KCNMA1: variants seen among roughly 807,000 people sequenced by gnomAD.
The protein encoded by KCNMA1 is Calcium-activated potassium channel subunit alpha-1.
Under a neutral mutation model 140.0 loss-of-function variants are expected in KCNMA1, and 29 were observed. The ratio of observed to expected loss-of-function variants is 0.21; its 90% CI spans 0.15 to 0.28. The LOEUF is 0.28. KCNMA1 is among the 10% of genes least tolerant of loss of function. KCNMA1 has a pLI of 1.00. For missense variants in KCNMA1, 880 were observed against 1,602.2 expected, an observed-to-expected ratio of 0.55 and a Z score of 7.70; for synonymous variants, 612 against 611.9, an observed-to-expected ratio of 1.00 and a Z score of 0.00.
chr10:77,232,227 C>T (rs185962811), intron 3 of KCNMA1, among the ~76,000 whole-genome samples: 6 of 152,300 alleles, frequency 3.9e-5, no homozygotes, highest in Admixed American at 2.6e-4. Context: ...AATGTTCAAG[C>T]GCAAGTTTTG....
chr10:77,498,862 T>C (rs1201076043), intron 1 of KCNMA1: 1 of 152,080 alleles, frequency 6.6e-6, no homozygotes, highest in African/African-American at 2.4e-5. Context: ...AGTGCCATTA[T>C]CATCATGGCC....
At chr10:77,074,688 T>C (rs2096330321) in intron 13 of KCNMA1, among the ~76,000 whole-genome samples, 1 of 152,236 alleles carries the variant, frequency 6.6e-6, no homozygotes. Context: ...ATGTAATTTG[T>C]CTACCAAACG....
intron 1 of KCNMA1, among the ~76,000 whole-genome samples, chr10:77,584,671 TTTTTAAAGAAGAACATGCTCCCTGA>T (rs2076766831): frequency 6.6e-6 from 1 of 152,156 alleles, no homozygotes; most frequent in Non-Finnish European, 1.5e-5. Context: ...TCCATAAATG[TTTTTAAAGAAGAACATGCTCCCTGA>T]AATCCAGCCC....
chr10:76,883,036 G>A (rs1415837688), downstream of KCNMA1, among the ~76,000 whole-genome samples: 10 of 152,160 alleles, frequency 6.6e-5, no homozygotes, highest in Admixed American at 6.5e-4. Context: ...GACACCTTTA[G>A]GCTTTTCCCA....
chr10:77,625,517 C>T (rs925485113), intron 1 of KCNMA1, among the ~76,000 whole-genome samples: 1 of 150,912 alleles, frequency 6.6e-6, no homozygotes, highest in Admixed American at 6.6e-5. Flanking sequence ...CCATTAAACA[C>T]TTCCCTCCCT....
chr10:77,455,929 T>C (rs557702026), intron 1 of KCNMA1, among the ~76,000 whole-genome samples: 142 of 152,272 alleles, frequency 9.3e-4, no homozygotes, highest in Non-Finnish European at 1.6e-3. Flanking sequence ...ATAAACAAAA[T>C]AAATTAAGCC....
intron 25 of KCNMA1, chr10:76,904,503 T>G (rs773733598): frequency 3.9e-5 from 6 of 152,178 alleles, no homozygotes; most frequent in Non-Finnish European, 5.9e-5. Context: ...CTCTTAACAC[T>G]GTTATAATAT....
intron 10 of KCNMA1, among the ~76,000 whole-genome samples, chr10:77,088,557 GTA>G (rs1427039161): frequency 6.6e-6 from 1 of 152,138 alleles, no homozygotes; most frequent in Non-Finnish European, 1.5e-5. Context: ...AGCCTCCAGA[GTA>G]GCGAGGGCTA....
At chr10:77,474,156 A>G (rs964436961) in intron 1 of KCNMA1, among the ~76,000 whole-genome samples, 8 of 152,232 alleles carry the variant, frequency 5.3e-5, no homozygotes, top group African/African-American at 1.7e-4. Flanking sequence ...AAAGTCTACA[A>G]GAGCCAGACA....
intron 3 of KCNMA1, among the ~76,000 whole-genome samples, chr10:77,233,777 A>T (rs756937914): frequency 6.6e-6 from 1 of 152,172 alleles, no homozygotes; most frequent in Non-Finnish European, 1.5e-5. Context: ...CGGAGGACCG[A>T]AACAGCTCAG....
chr10:77,337,168 C>T (rs2089363240), intron 2 of KCNMA1, among the ~76,000 whole-genome samples: 1 of 152,200 alleles, frequency 6.6e-6, no homozygotes, highest in Admixed American at 6.5e-5. Context: ...GCCTGGTATA[C>T]AGTGAGTGGA....
chr10:77,303,255 G>C (rs1035504367), intron 2 of KCNMA1, among the ~76,000 whole-genome samples: 13 of 152,042 alleles, frequency 8.6e-5, no homozygotes, highest in African/African-American at 3.1e-4. Flanking sequence ...ATCTTTCCAT[G>C]GGTACATGTC....
chr10:77,573,769 A>G (rs2072896113), intron 1 of KCNMA1, among the ~76,000 whole-genome samples: 1 of 151,934 alleles, frequency 6.6e-6, no homozygotes, highest in African/African-American at 2.4e-5. Flanking sequence ...TTCTGTACTC[A>G]GGACCCTTCC....
chr10:77,451,060 T>A (rs950933451), intron 1 of KCNMA1, among the ~76,000 whole-genome samples: 4 of 152,198 alleles, frequency 2.6e-5, no homozygotes, highest in Non-Finnish European at 2.9e-5. Flanking sequence ...CATGTGGAAC[T>A]GTGAGTCCAT....
At chr10:77,114,626 A>T (rs1373426478) in intron 6 of KCNMA1, among the ~76,000 whole-genome samples, 1 of 152,094 alleles carries the variant, frequency 6.6e-6, no homozygotes, top group East Asian at 1.9e-4. Flanking sequence ...AAATTTCCCC[A>T]TTCTTCAAAG....
rs113418089 is a variant in KCNMA1 at position 77,134,767 on chromosome 10, G to T, written c.809-13719C>A. On this transcript the variant is annotated intron_variant, in intron 5 of 27. Coordinates refer to ENST00000286628, the MANE Select transcript of KCNMA1 (RefSeq NM_001161352.2). ...TAATCCCAGCACTTTGGGAGGCCAA[G>T]GCAGGTGGATCACAAGATCAGGAGA... Among the ~76,000 whole-genome samples the T allele has an allele frequency of 1.9e-3, 285 of 152,040 alleles. 2 individuals are homozygous for T. Among genetic ancestry groups the T allele is most frequent in the Non-Finnish European group, 3.2e-3 (215 of 67,970 alleles).
chr10:76,897,179 A>G (rs554658406), intron 25 of KCNMA1, among the ~76,000 whole-genome samples: 1 of 152,168 alleles, frequency 6.6e-6, no homozygotes, highest in East Asian at 1.9e-4. Flanking sequence ...AGTGATAAAC[A>G]GTAAGTATTT....
chr10:77,140,012 C>G (rs2098130741), intron 5 of KCNMA1, among the ~76,000 whole-genome samples: 2 of 152,256 alleles, frequency 1.3e-5, no homozygotes, highest in South Asian at 4.1e-4. Flanking sequence ...GCCAAACTTT[C>G]TCCCACATTT....
At chr10:77,305,614 A>T (rs1015514656) in intron 2 of KCNMA1, among the ~76,000 whole-genome samples, 3 of 152,056 alleles carry the variant, frequency 2.0e-5, no homozygotes, top group Non-Finnish European at 4.4e-5. Flanking sequence ...AGGCCTGAAG[A>T]CTAGGGTAAA....
Sources: gnomAD v4.1 joint callset for allele counts (sites outside exome capture counted in the v4.1 genomes callset) on GRCh38, gnomAD v4.1.1 for gene constraint, MANE v1.5 for transcripts, NCBI Gene and HGNC (gene_info 2026-07-23, HGNC 2026-07-21) for gene names.